Variants in RPH3AL observed in about 807,000 individuals in gnomAD.
RPH3AL encodes rabphilin 3A like (without C2 domains).
A neutral mutation model predicts 43.1 loss-of-function variants in RPH3AL; 38 were observed. The observed-to-expected ratio is 0.88, with a 90% CI of 0.68 to 1.15. The LOEUF is 1.15. RPH3AL is among the 50% of genes most tolerant of loss of function. The pLI is 0.00. For synonymous variants in RPH3AL, 189 were observed against 176.3 expected (o/e 1.07, Z -0.57); for missense variants, 462 against 423.2 (o/e 1.09, Z -0.81).
chr17:273,679 C>A (rs9789021), intron 6 of RPH3AL, among the ~76,000 whole-genome samples: 45,894 of 89,670 alleles, frequency 0.51, 14,712 homozygotes, highest in Admixed American at 0.61. Context: ...CTGAAGAGAT[C>A]GGAACACGAA....
chr17:309,992 T>C (rs931753855), intron 5 of RPH3AL, among the ~76,000 whole-genome samples: 44 of 152,124 alleles, frequency 2.9e-4, no homozygotes, highest in Admixed American at 2.9e-3. Flanking sequence ...AGGTCATCGT[T>C]TCATAGGCAG....
rs192890385 is a variant in RPH3AL, at chr17:322,776, G to A, written c.78-1361C>T. On this transcript the variant is annotated intron_variant, in intron 3 of 9. Transcript: ENST00000331302. The surrounding 1 kb of genome is among the most constrained non-coding windows in gnomAD (Gnocchi z 4.0). ...CCTGGTCCCGGCTGTTGCAGCTAAC[G>A]GTTCTCTGTGGCCGACACAATAGGA... 6.4e-4 allele frequency among the ~76,000 whole-genome samples: 98 copies of A among 152,200 alleles called. 1 individual carries two copies. The highest frequency in any genetic ancestry group is 3.4e-3 in the Middle Eastern group (1 of 294).
intron 6 of RPH3AL, among the ~76,000 whole-genome samples, chr17:250,407 G>T (rs1295490525): frequency 6.9e-6 from 1 of 144,070 alleles, no homozygotes; most frequent in Admixed American, 7.0e-5. Context: ...CTCCGTCGCT[G>T]CGGGACCTCT....
At chr17:286,358 C>G (rs1389524525) in intron 5 of RPH3AL, among the ~76,000 whole-genome samples, 2 of 152,162 alleles carry the variant, frequency 1.3e-5, no homozygotes, top group Non-Finnish European at 2.9e-5. Context: ...TGTTTTCCCG[C>G]TACCAACCAA....
chr17:234,665 G>GC (rs983678978), intron 7 of RPH3AL: 25 of 153,894 alleles, frequency 1.6e-4, no homozygotes, highest in African/African-American at 3.6e-4. Flanking sequence ...GCAAGCTCCA[G>GC]CCCCCCCGGC....
chr17:240,797 T>C lies in RPH3AL; in HGVS notation c.613+6314A>G, dbSNP rs563215545. Among the ~76,000 whole-genome samples the C allele has an allele frequency of 3.0e-3, 455 of 152,300 alleles. 1 individual carries two copies. Among genetic ancestry groups the C allele is most frequent in the Non-Finnish European group, 4.4e-3 (297 of 68,024 alleles). On this transcript the variant is annotated intron_variant, in intron 7 of 9. Transcript: ENST00000331302. The stretch of plus-strand genomic sequence containing the variant: ...GTCTTCGGCCGGGCACGGTGGCTCA[T>C]GCCTGTAATCCCAGCAATTTGGGAG...
Position 274,668 on chromosome 17 carries a change from G to T in RPH3AL, c.438+7100C>A, listed in dbSNP as rs980566134. Among the ~76,000 whole-genome samples, 1 of 152,196 alleles carries T rather than the reference G, an allele frequency of 6.6e-6. No individual in the cohort carries two copies. Among genetic ancestry groups the T allele is most frequent in the Admixed American group, 6.5e-5 (1 of 15,286 alleles). On this transcript the variant is annotated intron_variant, in intron 6 of 9. Coordinates refer to ENST00000331302, the MANE Select transcript of RPH3AL (RefSeq NM_006987.4). This position sits in a 1 kb window ranked among gnomAD's most constrained non-coding sequence, Gnocchi z 4.7. ...CGCAGGAGAGTCAAAGGTGCCTCCT[G>T]CATGGGGCAGGGTCACAGGCACAAT... is the stretch of plus-strand genomic sequence containing the variant.
chr17:346,932 G>T (rs2045246916), intron 1 of RPH3AL, among the ~76,000 whole-genome samples: 1 of 135,420 alleles, frequency 7.4e-6, no homozygotes, highest in Non-Finnish European at 1.7e-5. Flanking sequence ...TGCTAGTGAG[G>T]ATGTGCGGCA....
intron 2 of RPH3AL, 56 bp from the exon 3 acceptor site, chr17:327,635 G>A (rs2044649982): frequency 2.6e-6 from 3 of 1,145,958 alleles, no homozygotes; most frequent in African/African-American, 3.0e-5. Context: ...GGTACAGATG[G>A]CAGACAGGTT....
At chr17:228,020 T>C (rs1412861326) in intron 7 of RPH3AL, among the ~76,000 whole-genome samples, 2 of 152,058 alleles carry the variant, frequency 1.3e-5, no homozygotes, top group Non-Finnish European at 2.9e-5. Context: ...AGGGGACGGC[T>C]GCTCCACCTG....
Position 301,093 on chromosome 17 carries a change from A to C in RPH3AL, c.351+18327T>G, listed in dbSNP as rs1297860223. 2.0e-5 allele frequency among the ~76,000 whole-genome samples: 3 copies of C among 152,248 alleles called. No individual in the cohort carries two copies. The South Asian group carries it at 6.2e-4, about 31-fold the overall frequency. On this transcript the variant is annotated intron_variant, in intron 5 of 9. Coordinates refer to ENST00000331302, the MANE Select transcript of RPH3AL (RefSeq NM_006987.4). The stretch of plus-strand genomic sequence containing the variant: ...GCCCACTCTGTAGGGGCGCTGCCTC[A>C]GGGGGGCCCAGGGCTGGGTGCTACC...
At chr17:242,288 T>A (rs1036428689) in intron 7 of RPH3AL, among the ~76,000 whole-genome samples, 2 of 131,124 alleles carry the variant, frequency 1.5e-5, no homozygotes, top group Non-Finnish European at 3.4e-5. Flanking sequence ...ATTGACTACC[T>A]TCCTCTATTG....
intron 4 of RPH3AL, among the ~76,000 whole-genome samples, chr17:319,771 C>T (rs191321764): frequency 2.2e-4 from 32 of 148,368 alleles, no homozygotes; most frequent in African/African-American, 7.2e-4. Flanking sequence ...AGCAAACAAG[C>T]CAGAGACAGA....
chr17:317,255 A>G (rs1345068058), intron 5 of RPH3AL, among the ~76,000 whole-genome samples: 2 of 149,338 alleles, frequency 1.3e-5, no homozygotes, highest in African/African-American at 5.0e-5. Flanking sequence ...ATTGACCTGC[A>G]GTCCCTGTGC....
At chr17:236,226 C>G (rs1002359002) in intron 7 of RPH3AL, among the ~76,000 whole-genome samples, 1 of 152,258 alleles carries the variant, frequency 6.6e-6, no homozygotes, top group East Asian at 1.9e-4. Context: ...TGTCCTACCT[C>G]TGGGCTTGAA....
rs1181191879 is a variant in RPH3AL, at chr17:225,563, G to A, written c.614-5827C>T. 6.6e-6 allele frequency among the ~76,000 whole-genome samples: 1 copy of A among 152,206 alleles called. No homozygotes were observed. The highest frequency in any genetic ancestry group is 1.5e-5 in the Non-Finnish European group (1 of 68,032). On this transcript the variant is annotated intron_variant, in intron 7 of 9. Transcript: ENST00000331302. This position sits in a 1 kb window ranked among gnomAD's most constrained non-coding sequence, Gnocchi z 4.4. ...TTGTTCCCATGTTGCCCTTGGGGCA[G>A]CTACAGTGAAATTAGAGGCCTGTGG...
At chr17:273,068 C>CGACATCAGGAAGAGACCCCAGCGAGGGT (rs2042543295) in intron 6 of RPH3AL, among the ~76,000 whole-genome samples, 1 of 53,550 alleles carries the variant, frequency 1.9e-5, no homozygotes, top group African/African-American at 5.7e-5. Flanking sequence ...CCAGCGAGGG[C>CGACATCAGGAAGAGACCCCAGCGAGGGT]GACGTCAGGG....
chr17:284,771 T>C (rs909573185), intron 5 of RPH3AL, among the ~76,000 whole-genome samples: 5 of 152,144 alleles, frequency 3.3e-5, no homozygotes, highest in African/African-American at 1.2e-4. Context: ...GTAACAAAAA[T>C]ACCATAGACT....
chr17:278,996 A>G (rs1244690096), intron 6 of RPH3AL, among the ~76,000 whole-genome samples: 2 of 152,214 alleles, frequency 1.3e-5, no homozygotes, highest in Non-Finnish European at 2.9e-5. Context: ...GGAAAGGAAG[A>G]TAAGAGGCCT....
Sources: gnomAD v4.1 joint callset for allele counts (sites outside exome capture counted in the v4.1 genomes callset) on GRCh38, gnomAD v4.1.1 for gene constraint, Gnocchi (gnomAD v3.1) non-coding constraint, MANE v1.5 for transcripts, NCBI Gene and HGNC (gene_info 2026-07-23, HGNC 2026-07-21) for gene names.